CELF6: variants seen among roughly 807,000 people sequenced by gnomAD.
CELF6 encodes the protein CUGBP Elav-like family member 6, also known as Bruno -like 6, RNA binding protein.
A neutral mutation model predicts 53.1 loss-of-function variants in CELF6; 32 were observed. The ratio of observed to expected loss-of-function variants is 0.60; its 90% CI spans 0.46 to 0.81. The LOEUF (loss-of-function observed/expected upper bound fraction) is 0.81, where lower values mean the gene tolerates loss of function less well. Among genes scored for constraint, CELF6 ranks in the 30% least tolerant of loss-of-function variants. The pLI is 0.00. For synonymous variants in CELF6, 291 were observed against 288.8 expected, an observed-to-expected ratio of 1.01 and a Z score of -0.08; for missense variants, 539 against 669.5, an observed-to-expected ratio of 0.81 and a Z score of 2.15.
rs774095174 is a variant in CELF6 at position 72,289,547 on chromosome 15, G to C, written c.748-40C>G. The C allele has an allele frequency of 6.7e-7, 1 of 1,489,398 alleles. No individual in the cohort carries two copies. Among genetic ancestry groups the C allele is most frequent in the African/African-American group, 1.4e-5 (1 of 70,326 alleles). 92.3% of individuals were successfully genotyped at this position (1,489,398 alleles called of 1,614,324 possible). ...ATGGGCGAGAGTGGAGGGCCAAGGG[G>C]CAGGCAGCTGCCCGTGCTCTCAGCC... On this transcript the variant is annotated intron_variant, in intron 6 of 12. Coordinates refer to ENST00000287202, the MANE Select transcript of CELF6 (RefSeq NM_052840.5). The surrounding 1 kb of genome is among the most constrained non-coding windows in gnomAD (Gnocchi z 7.6).
chr15:72,311,414 T>C lies in CELF6; in HGVS notation c.345+4431A>G, dbSNP rs1055110738. ...GAGGCTCACCTTTTTTCTTTTTTTT[T>C]TTTTTTGAGACAGAGTCTCGCTCTG... On this transcript the variant is annotated intron_variant, in intron 2 of 12. Coordinates refer to ENST00000287202, the MANE Select transcript of CELF6 (RefSeq NM_052840.5). Among the ~76,000 whole-genome samples the C allele has an allele frequency of 4.8e-4, 73 of 151,398 alleles. 3 individuals are homozygous for C. The highest frequency in any genetic ancestry group is 1.7e-3 in the African/African-American group (68 of 41,202).
chr15:72,298,743 T>C (rs1194538426), intron 3 of CELF6, among the ~76,000 whole-genome samples: 1 of 152,244 alleles, frequency 6.6e-6, no homozygotes, highest in African/African-American at 2.4e-5. Context: ...TCGGTACTTA[T>C]AGTTTAACTT....
At chr15:72,310,300 C>G (rs2088278900) in intron 2 of CELF6, among the ~76,000 whole-genome samples, 1 of 152,126 alleles carries the variant, frequency 6.6e-6, no homozygotes, top group Non-Finnish European at 1.5e-5. Flanking sequence ...ATTTTTAGTA[C>G]TTTGTTTTAC....
intron 2 of CELF6, among the ~76,000 whole-genome samples, chr15:72,307,009 A>G (rs1595783478): frequency 6.6e-6 from 1 of 151,480 alleles, no homozygotes; most frequent in African/African-American, 2.4e-5. Flanking sequence ...AAGCGGGTGC[A>G]GGAGAGGCAG....
chr15:72,289,865 C>A lies in CELF6; in HGVS notation c.603+74G>T. 1 of 1,513,092 alleles carries A rather than the reference C, an allele frequency of 6.6e-7. No homozygotes were observed. The highest frequency in any genetic ancestry group is 8.8e-7 in the Non-Finnish European group (1 of 1,133,288). 93.7% of individuals were successfully genotyped at this position (1,513,092 alleles called of 1,614,324 possible). A position where few individuals can be genotyped will look rare whatever the true frequency, so the allele number is the denominator to read the frequency against. ...CCCATCAGGTCCTTTCGCGGGGCAC[C>A]GAGCACACTCGGGGAGGAGAAGCCC... On this transcript the variant is annotated intron_variant, in intron 5 of 12. Coordinates refer to ENST00000287202, the MANE Select transcript of CELF6 (RefSeq NM_052840.5). The surrounding 1 kb of genome is among the most constrained non-coding windows in gnomAD (Gnocchi z 7.6).
At chr15:72,315,806 G>A in intron 2 of CELF6, 39 bp downstream of exon 2, 1 of 1,427,924 alleles carries the variant, frequency 7.0e-7, no homozygotes, top group Non-Finnish European at 9.7e-7. Flanking sequence ...ACTGTCCCCA[G>A]CCTGAGGTGA....
At chr15:72,305,656 C>T (rs893689676) in intron 2 of CELF6, among the ~76,000 whole-genome samples, 2 of 152,114 alleles carry the variant, frequency 1.3e-5, no homozygotes, top group Non-Finnish European at 2.9e-5. Context: ...TTTTGTCTGG[C>T]TCTTCCTACT....
intron 3 of CELF6, among the ~76,000 whole-genome samples, chr15:72,300,258 G>A (rs1288470115): frequency 6.6e-6 from 1 of 151,876 alleles, no homozygotes; most frequent in Non-Finnish European, 1.5e-5. Flanking sequence ...CTACTCAGGG[G>A]GCTGAGGCAG....
At chr15:72,295,705 G>A (rs1382258484) in intron 3 of CELF6, among the ~76,000 whole-genome samples, 1 of 139,422 alleles carries the variant, frequency 7.2e-6, no homozygotes, top group Non-Finnish European at 1.5e-5. Flanking sequence ...CAGCCTGGGT[G>A]ATAGTGCAAG....
chr15:72,312,944 GC>G (rs2088316955), intron 2 of CELF6, among the ~76,000 whole-genome samples: 1 of 152,206 alleles, frequency 6.6e-6, no homozygotes, highest in African/African-American at 2.4e-5. Flanking sequence ...GGCCAACACA[GC>G]CATTGATTTT....
intron 3 of CELF6, among the ~76,000 whole-genome samples, chr15:72,303,550 G>T (rs2088184583): frequency 6.6e-6 from 1 of 152,312 alleles, no homozygotes; most frequent in African/African-American, 2.4e-5. Context: ...GAATTAGTAG[G>T]ACTCAATACA....
At chr15:72,314,598 T>TTTTTTTTTTTTTTTTG in intron 2 of CELF6, among the ~76,000 whole-genome samples, 1 of 144,484 alleles carries the variant, frequency 6.9e-6, no homozygotes, top group African/African-American at 2.7e-5. Context: ...TGTTTTTTTT[T>TTTTTTTTTTTTTTTTG]TTTTTTTTTT....
intron 1 of CELF6, among the ~76,000 whole-genome samples, chr15:72,318,628 G>C (rs1595788403): frequency 6.6e-6 from 1 of 152,128 alleles, no homozygotes; most frequent in African/African-American, 2.4e-5. Context: ...TCTCTCTACA[G>C]GAAGAAAGGG....
At chr15:72,302,092 C>T (rs1430762367) in intron 3 of CELF6, among the ~76,000 whole-genome samples, 1 of 152,166 alleles carries the variant, frequency 6.6e-6, no homozygotes. Context: ...GGGTTGAACT[C>T]ACTTTAGAAG....
rs2087975443 is a variant in CELF6, at chr15:72,289,578, C to T, written c.747+49G>A. On this transcript the variant is annotated intron_variant, in intron 6 of 12. Coordinates refer to ENST00000287202, the MANE Select transcript of CELF6 (RefSeq NM_052840.5). This position sits in a 1 kb window ranked among gnomAD's most constrained non-coding sequence, Gnocchi z 7.6. ...AGCTGCCCGTGCTCTCAGCCCCAGGCCTGGCCCACCCACCTGCGCGCCCTC... is the reference window on the plus strand; with the variant it reads ...AGCTGCCCGTGCTCTCAGCCCCAGGTCTGGCCCACCCACCTGCGCGCCCTC... 2 of 1,475,976 alleles carry T rather than the reference C, an allele frequency of 1.4e-6. No homozygotes were observed. The highest frequency in any genetic ancestry group is 2.4e-5 in the Admixed American group (1 of 40,880). The allele number at this position is 1,475,976 out of a possible 1,614,324, so 91.4% of individuals were successfully genotyped here. A position where few individuals can be genotyped will look rare whatever the true frequency, so the allele number is the denominator to read the frequency against.
At chr15:72,300,498 T>C (rs2088138900) in intron 3 of CELF6, among the ~76,000 whole-genome samples, 1 of 152,190 alleles carries the variant, frequency 6.6e-6, no homozygotes, top group Non-Finnish European at 1.5e-5. Flanking sequence ...AGTACACTGT[T>C]ACATCAAAAG....
At position 72,315,973 on chromosome 15, in the gene CELF6, C is replaced by T. The variant is rs1047176154; in HGVS notation, c.263-46G>A. The T allele has an allele frequency of 4.5e-6, 6 of 1,321,044 alleles. No homozygotes were observed. The Admixed American group carries it at 6.2e-5, about 14-fold the overall frequency. 81.8% of individuals were successfully genotyped at this position (1,321,044 alleles called of 1,614,324 possible). A position where few individuals can be genotyped will look rare whatever the true frequency, so the allele number is the denominator to read the frequency against. ...TCAGGGGGTTTCCTGAAACCCCCAACTATTCTTCTTCGAAATACCCCACTA... is the reference window on the plus strand; with the variant it reads ...TCAGGGGGTTTCCTGAAACCCCCAATTATTCTTCTTCGAAATACCCCACTA... On this transcript the variant is annotated intron_variant, in intron 1 of 12. Transcript: ENST00000287202.
intron 2 of CELF6, among the ~76,000 whole-genome samples, chr15:72,310,817 T>C (rs2088285498): frequency 6.6e-6 from 1 of 152,060 alleles, no homozygotes; most frequent in Non-Finnish European, 1.5e-5. Context: ...CCTAGTCTCT[T>C]ACTCTTCTCT....
In CELF6 at chr15:72,287,357, T is replaced by C. The variant is rs777828179; in HGVS notation, c.1354A>G (p.Thr452Ala). The change falls in exon 12 of 13, where the codon ACT (threonine) becomes GCT (alanine). Residue 452 changes from threonine (T) to alanine (A), a missense_variant. Physicochemically the swap from Thr to Ala is moderately conservative, Grantham distance 58. Around this residue, in one of 3 missense-constraint regions of CELF6, gnomAD observed 358 missense variants for 412.8 expected, o/e 0.87. Coordinates refer to ENST00000287202, the MANE Select transcript of CELF6 (RefSeq NM_052840.5). ...VSFDNPTSAQ[T>A]AIQAMNGFQI... Reference sequence around the variant, plus strand: ...AAGCCATTCATCGCCTGAATAGCAGTCTGGGCACTAGTTGGATTGTCAAAA... The same window carrying C: ...AAGCCATTCATCGCCTGAATAGCAGCCTGGGCACTAGTTGGATTGTCAAAA... 1.9e-5 allele frequency: 31 copies of C among 1,614,034 alleles called. No homozygotes were observed. The African/African-American group carries it at 3.3e-4, about 17-fold the overall frequency.
Sources: allele counts gnomAD v4.1 joint callset (sites outside exome capture counted in the v4.1 genomes callset), GRCh38; gene constraint gnomAD v4.1.1; regional missense constraint gnomAD v4.1.1; non-coding constraint Gnocchi (gnomAD v3.1); transcripts MANE v1.5; gene names NCBI Gene and HGNC (gene_info 2026-07-23, HGNC 2026-07-21).